Variants in BMAL1 observed in about 807,000 individuals in gnomAD.
The protein encoded by BMAL1 is basic helix-loop-helix ARNT like 1.
the BMAL1 span, among the ~76,000 whole-genome samples, chr11:13,342,399 T>C: frequency 1.3e-5 from 2 of 152,098 alleles, no homozygotes; most frequent in Non-Finnish European, 2.9e-5. Context: ...GGGAGGGTCA[T>C]ACAGGAGGGG....
chr11:13,277,620 C>A, the BMAL1 span: 3 of 150,974 alleles, frequency 2.0e-5, no homozygotes, highest in African/African-American at 7.3e-5. Context: ...TGGGGGCGGC[C>A]GCCGGGACCG....
At chr11:13,307,873 C>T in the BMAL1 span, among the ~76,000 whole-genome samples, 1 of 152,188 alleles carries the variant, frequency 6.6e-6, no homozygotes, top group Admixed American at 6.5e-5. Flanking sequence ...TAGGCACATT[C>T]GTCCTTTTGG....
the BMAL1 span, among the ~76,000 whole-genome samples, chr11:13,348,988 C>T: frequency 0.48 from 73,611 of 151,982 alleles, 19,136 homozygotes; most frequent in Middle Eastern, 0.6. Context: ...CAAGGCAGTG[C>T]AGGGATGGAT....
chr11:13,297,050 C>G, the BMAL1 span, among the ~76,000 whole-genome samples: 2 of 152,206 alleles, frequency 1.3e-5, no homozygotes, highest in African/African-American at 4.8e-5. Flanking sequence ...CAGCCCTCCT[C>G]TTACATAGCC....
chr11:13,293,780 G>A, the BMAL1 span, among the ~76,000 whole-genome samples: 1 of 152,220 alleles, frequency 6.6e-6, no homozygotes, highest in Admixed American at 6.5e-5. Context: ...CCTCTGTGTA[G>A]GTAACCAAGT....
chr11:13,280,886 C>T, the BMAL1 span, among the ~76,000 whole-genome samples: 2 of 152,230 alleles, frequency 1.3e-5, no homozygotes, highest in African/African-American at 4.8e-5. Flanking sequence ...GACCTCTCCT[C>T]TGTTCCTTTT....
At chr11:13,373,555 C>T in the BMAL1 span, among the ~76,000 whole-genome samples, 3 of 152,170 alleles carry the variant, frequency 2.0e-5, no homozygotes, top group Non-Finnish European at 4.4e-5. Context: ...CAGGCTAGAT[C>T]TAGTGCAGTG....
chr11:13,372,962 G>A, the BMAL1 span, among the ~76,000 whole-genome samples: 7 of 152,180 alleles, frequency 4.6e-5, no homozygotes, highest in African/African-American at 1.7e-4. Context: ...AAAAACAGTA[G>A]GGATAGCATG....
chr11:13,283,358 G>A, the BMAL1 span, among the ~76,000 whole-genome samples: 1 of 152,172 alleles, frequency 6.6e-6, no homozygotes, highest in East Asian at 1.9e-4. Context: ...TACGATAATA[G>A]CAGCTAACAT....
the BMAL1 span, among the ~76,000 whole-genome samples, chr11:13,303,915 G>T: frequency 6.6e-6 from 1 of 152,186 alleles, no homozygotes; most frequent in Non-Finnish European, 1.5e-5. Context: ...CGAGTGAGGT[G>T]AAGAAGTGAG....
the BMAL1 span, among the ~76,000 whole-genome samples, chr11:13,297,012 T>C: frequency 6.6e-6 from 1 of 152,258 alleles, no homozygotes; most frequent in Non-Finnish European, 1.5e-5. Flanking sequence ...GTGTGCTTGC[T>C]GCAGTCTCTA....
chr11:13,299,365 G>T, the BMAL1 span, among the ~76,000 whole-genome samples: 3 of 152,186 alleles, frequency 2.0e-5, no homozygotes, highest in Non-Finnish European at 2.9e-5. Flanking sequence ...GGGTGCAGGA[G>T]AAAAGGCTTG....
At chr11:13,385,441 T>G in the BMAL1 span, among the ~76,000 whole-genome samples, 1 of 152,220 alleles carries the variant, frequency 6.6e-6, no homozygotes, top group East Asian at 1.9e-4. Context: ...AGTTGAATGC[T>G]CTTGGGATTT....
At chr11:13,354,196 C>CA in the BMAL1 span, 1 of 712,774 alleles carries the variant, frequency 1.4e-6, no homozygotes, top group Non-Finnish European at 2.2e-6. Flanking sequence ...GGTCTCCCCC[C>CA]CCGGCCCCCC....
the BMAL1 span, among the ~76,000 whole-genome samples, chr11:13,287,129 G>A: frequency 3.9e-5 from 6 of 152,162 alleles, no homozygotes; most frequent in African/African-American, 1.4e-4. Context: ...TCGACATCAT[G>A]AACCACATTT....
At chr11:13,299,821 A>G in the BMAL1 span, among the ~76,000 whole-genome samples, 15 of 152,292 alleles carry the variant, frequency 9.8e-5, no homozygotes, top group Non-Finnish European at 1.6e-4. Flanking sequence ...TTTACCTGCC[A>G]GGTTAGCAGC....
At chr11:13,362,364 T>C in the BMAL1 span, among the ~76,000 whole-genome samples, 1 of 152,222 alleles carries the variant, frequency 6.6e-6, no homozygotes, top group African/African-American at 2.4e-5. Context: ...GAACTTAAGA[T>C]AGGACTTCTC....
At chr11:13,361,868 G>A in the BMAL1 span, among the ~76,000 whole-genome samples, 1 of 126,250 alleles carries the variant, frequency 7.9e-6, no homozygotes, top group Non-Finnish European at 1.8e-5. Context: ...TGTAAAAACA[G>A]GGGTAAATGA....
chr11:13,288,886 A>G, the BMAL1 span, among the ~76,000 whole-genome samples: 1 of 152,348 alleles, frequency 6.6e-6, no homozygotes, highest in Admixed American at 6.5e-5. Flanking sequence ...GTGAATCTGC[A>G]CTGTACTGTG....
Sources: gnomAD v4.1 joint callset for allele counts (sites outside exome capture counted in the v4.1 genomes callset) on GRCh38, gnomAD v4.1.1 for gene constraint, MANE v1.5 for transcripts, NCBI Gene and HGNC (gene_info 2026-07-23, HGNC 2026-07-21) for gene names.